The following IRAG1 variants were observed in gnomAD, a reference collection of about 807,000 sequenced individuals.
IRAG1 encodes IP3R-associated cGMP kinase substrate.
IRAG1 carries 62 observed loss-of-function variants against 106.2 expected under a neutral mutation model. The ratio of observed to expected loss-of-function variants is 0.58; its 90% CI spans 0.48 to 0.72. The LOEUF (loss-of-function observed/expected upper bound fraction) is 0.72. IRAG1 is among the 30% of genes least tolerant of loss of function. The pLI is 0.00. For synonymous variants in IRAG1, 462 were observed against 443.9 expected, an observed-to-expected ratio of 1.04 and a Z score of -0.51; for missense variants, 1,064 against 1,140.7, an observed-to-expected ratio of 0.93 and a Z score of 0.97.
intron 1 of IRAG1, among the ~76,000 whole-genome samples, chr11:10,655,947 C>T (rs1858889272): frequency 6.6e-6 from 1 of 152,152 alleles, no homozygotes; most frequent in Admixed American, 6.5e-5. Flanking sequence ...GCCCCAGCAG[C>T]CCTGCCTGCA....
intron 10 of IRAG1, among the ~76,000 whole-genome samples, chr11:10,613,201 G>A (rs1855115144): frequency 6.7e-6 from 1 of 150,326 alleles, no homozygotes. Flanking sequence ...TGAGGGGAAA[G>A]TTGAACCCTT....
intron 3 of IRAG1, among the ~76,000 whole-genome samples, chr11:10,633,312 T>G (rs915126027): frequency 5.9e-5 from 9 of 152,278 alleles, no homozygotes; most frequent in East Asian, 3.9e-4. Context: ...CCTGACCTCA[T>G]GATTCACCCG....
At chr11:10,669,210 CA>C (rs1479842616) in intron 1 of IRAG1, among the ~76,000 whole-genome samples, 1 of 152,164 alleles carries the variant, frequency 6.6e-6, no homozygotes, top group African/African-American at 2.4e-5. Context: ...GCATTCCTGA[CA>C]AAAGCTCCTT....
chr11:10,611,759 G>A (rs1319431473), intron 10 of IRAG1: 1 of 152,142 alleles, frequency 6.6e-6, no homozygotes, highest in African/African-American at 2.4e-5. Context: ...AGATGGGAGA[G>A]AAAAAATTCT....
chr11:10,652,276 G>T (rs562542463), intron 1 of IRAG1, 94 bp from the exon 2 acceptor site: 9 of 1,558,256 alleles, frequency 5.8e-6, no homozygotes, highest in Non-Finnish European at 7.8e-6. Context: ...AGTGAGAGCC[G>T]GCTTGAGTTT....
intron 10 of IRAG1, among the ~76,000 whole-genome samples, chr11:10,622,706 T>C (rs1855922944): frequency 6.6e-6 from 1 of 152,084 alleles, no homozygotes; most frequent in South Asian, 2.1e-4. Flanking sequence ...GGCTTCGTCA[T>C]GCTGCCCAGA....
At chr11:10,625,588 A>G (rs1247098911) in intron 9 of IRAG1, among the ~76,000 whole-genome samples, 1 of 152,100 alleles carries the variant, frequency 6.6e-6, no homozygotes, top group Non-Finnish European at 1.5e-5. Flanking sequence ...AATCCTAGGC[A>G]TGACTGGGCA....
chr11:10,595,610 C>T (rs2134247387), intron 15 of IRAG1: 1 of 152,326 alleles, frequency 6.6e-6, no homozygotes, highest in East Asian at 1.9e-4. Flanking sequence ...TTGATTTCTA[C>T]AGAGAGTGCT....
At position 10,604,335 on chromosome 11, in the gene IRAG1, A is replaced by T. The variant is rs1217237404; in HGVS notation, c.1743+70T>A. The T allele has an allele frequency of 5.7e-6, 9 of 1,589,564 alleles. No individual in the cohort carries two copies. The Admixed American group carries it at 1.2e-4, about 21-fold the overall frequency. On this transcript the variant is annotated intron_variant, in intron 13 of 20. Transcript: ENST00000423302. ...ACTATACTTGGTACCTGAGAGAAGCATGACACCCTGTATGGCCCTTGGGGA... is the reference window on the plus strand; with the variant it reads ...ACTATACTTGGTACCTGAGAGAAGCTTGACACCCTGTATGGCCCTTGGGGA...
chr11:10,627,840 C>G, intron 7 of IRAG1, 80 bp from the exon 8 acceptor site: 1 of 1,599,048 alleles, frequency 6.3e-7, no homozygotes, highest in Non-Finnish European at 8.6e-7. Flanking sequence ...AAGGAGGCCC[C>G]CTAGCAGTGG....
chr11:10,685,179 T>C (rs2135241226), intron 1 of IRAG1, among the ~76,000 whole-genome samples: 1 of 152,292 alleles, frequency 6.6e-6, no homozygotes, highest in South Asian at 2.1e-4. Context: ...TGCAGTGGCT[T>C]ACACCTGTAA....
Position 10,603,205 on chromosome 11 carries a change from T to C in IRAG1, c.1790A>G (p.Gln597Arg). The C allele has an allele frequency of 6.2e-7, 1 of 1,613,620 alleles. No homozygotes were observed. The highest frequency in any genetic ancestry group is 1.7e-5 in the Admixed American group (1 of 60,014). Residue 597 changes from glutamine to arginine, a missense_variant, in exon 14 of 21, where the codon CAG (glutamine) becomes CGG (arginine). By Grantham distance (43) the Gln-to-Arg change is conservative. Transcript: ENST00000423302. ...GACAGCGATGTCCTCCAGCAACTTC[T>C]GGTAGGTTTCCCGGTGCTCACAGTG... ...WHHCEHRETY[Q>R]KLLEDIAVLH...
chr11:10,683,178 C>G (rs12804903), intron 1 of IRAG1, among the ~76,000 whole-genome samples: 1 of 152,128 alleles, frequency 6.6e-6, no homozygotes, highest in East Asian at 1.9e-4. Flanking sequence ...AGTTTGTGAG[C>G]TGTTGTATGG....
chr11:10,623,640 C>T (rs78731586), intron 10 of IRAG1, 138 bp downstream of exon 10: 18,973 of 813,130 alleles, frequency 0.023, 576 homozygotes, highest in African/African-American at 0.12. Flanking sequence ...GCAGAAGACA[C>T]AATCGGATTC....
intron 1 of IRAG1, among the ~76,000 whole-genome samples, chr11:10,680,368 A>AAGGAAG (rs1861089430): frequency 3.7e-5 from 3 of 80,918 alleles, no homozygotes; most frequent in African/African-American, 1.2e-4. Context: ...AAAGAAAGAA[A>AAGGAAG]GAAGGAAGGA....
rs375197703 is a variant in IRAG1 at position 10,629,627 on chromosome 11, G to A, written c.485C>T (p.Ala162Val). ...ISEEDKKKNL[A>V]LLEEAKLVSE... Reference sequence around the variant, plus strand: ...CACCAACTTGGCTTCTTCCAGCAGCGCCAGGTTTTTCTTCTTGTCCTCCTC... The same window carrying A: ...CACCAACTTGGCTTCTTCCAGCAGCACCAGGTTTTTCTTCTTGTCCTCCTC... The change falls in exon 5 of 21, where the codon GCG becomes GTG. Residue 162 changes from alanine (A) to valine (V), a missense_variant. Coordinates refer to ENST00000423302, the MANE Select transcript of IRAG1 (RefSeq NM_130385.4). The A allele has an allele frequency of 9.3e-6, 15 of 1,613,850 alleles. No homozygotes were observed. The highest frequency in any genetic ancestry group is 4.0e-5 in the African/African-American group (3 of 74,924).
At chr11:10,630,578 C>G (rs1489213229) in intron 4 of IRAG1, among the ~76,000 whole-genome samples, 2 of 152,200 alleles carry the variant, frequency 1.3e-5, no homozygotes, top group African/African-American at 4.8e-5. Flanking sequence ...TCCATCCCAT[C>G]CCCCACTGCC....
In IRAG1 at chr11:10,647,810, T is replaced by C. The variant is rs1052392965; in HGVS notation, c.225+4215A>G. Reference sequence around the variant, plus strand: ...AGTAAGGCGGAGATGGGCTGGTATGTGTCCTGAGCGGAGGTTAGGAAGGCT... The same window carrying C: ...AGTAAGGCGGAGATGGGCTGGTATGCGTCCTGAGCGGAGGTTAGGAAGGCT... On this transcript the variant is annotated intron_variant, in intron 2 of 20. Coordinates refer to ENST00000423302, the MANE Select transcript of IRAG1 (RefSeq NM_130385.4). This position sits in a 1 kb window ranked among gnomAD's most constrained non-coding sequence, Gnocchi z 4.3. Among the ~76,000 whole-genome samples the C allele has an allele frequency of 2.0e-5, 3 of 152,046 alleles. No individual in the cohort carries two copies. The highest frequency in any genetic ancestry group is 7.2e-5 in the African/African-American group (3 of 41,400).
intron 1 of IRAG1, among the ~76,000 whole-genome samples, chr11:10,678,371 T>C (rs1860876473): frequency 6.6e-6 from 1 of 152,152 alleles, no homozygotes; most frequent in Non-Finnish European, 1.5e-5. Flanking sequence ...CCCTAAAGGA[T>C]GTTCCTAGTT....
Sources: gnomAD v4.1 joint callset for allele counts (sites outside exome capture counted in the v4.1 genomes callset) on GRCh38, gnomAD v4.1.1 for gene constraint, Gnocchi (gnomAD v3.1) non-coding constraint, MANE v1.5 for transcripts, NCBI Gene and HGNC (gene_info 2026-07-23, HGNC 2026-07-21) for gene names.